ADARB1: variants seen among roughly 807,000 people sequenced by gnomAD.
ADARB1 encodes double-stranded RNA-specific editase 1.
A neutral mutation model predicts 52.4 loss-of-function variants in ADARB1; 10 were observed. The observed-to-expected ratio is 0.19, with a 90% CI of 0.12 to 0.32. ADARB1 has a LOEUF of 0.32. ADARB1 is among the 10% of genes least tolerant of loss of function. The pLI is 1.00. For synonymous variants in ADARB1, 349 were observed against 371.1 expected (o/e 0.94, Z 0.68); for missense variants, 643 against 922.3 (o/e 0.70, Z 3.92).
At chr21:45,106,416 G>A (rs140936474) in intron 1 of ADARB1, among the ~76,000 whole-genome samples, 1 of 152,072 alleles carries the variant, frequency 6.6e-6, no homozygotes, top group Non-Finnish European at 1.5e-5. Flanking sequence ...CTAAATACGT[G>A]ACCTGGAGAG....
intron 1 of ADARB1, chr21:45,118,617 C>T (rs910823510): frequency 5.3e-5 from 8 of 152,196 alleles, no homozygotes; most frequent in African/African-American, 1.9e-4. Flanking sequence ...TGTTCTACTG[C>T]AGGTAAACAT....
chr21:45,137,735 A>G (rs1270581258), intron 2 of ADARB1, among the ~76,000 whole-genome samples: 1 of 151,734 alleles, frequency 6.6e-6, no homozygotes, highest in African/African-American at 2.4e-5. Context: ...TGATGGTGGC[A>G]CTGTGAGGAA....
chr21:45,176,218 C>A lies in ADARB1; in HGVS notation c.517C>A (p.Pro173Thr). Residue 173 changes from proline (P) to threonine (T), a missense_variant, in exon 4 of 11, where the codon CCT becomes ACT. Transcript: ENST00000348831. The surrounding 1 kb of genome is among the most constrained non-coding windows in gnomAD (Gnocchi z 5.8). ...TDFTSDQADF[P>T]DTLFNGFETP... Reference sequence around the variant, plus strand: ...CTTCACATCTGACCAGGCCGACTTCCCTGACACGCTCTTCAATGGTTTTGA... The same window carrying A: ...CTTCACATCTGACCAGGCCGACTTCACTGACACGCTCTTCAATGGTTTTGA... 8 of 1,614,208 alleles carry A rather than the reference C, an allele frequency of 5.0e-6. No individual in the cohort carries two copies. Among genetic ancestry groups the A allele is most frequent in the Non-Finnish European group, 6.8e-6 (8 of 1,180,042 alleles).
chr21:45,160,451 C>T (rs558756421), intron 2 of ADARB1, among the ~76,000 whole-genome samples: 3 of 152,358 alleles, frequency 2.0e-5, no homozygotes, highest in East Asian at 1.9e-4. Flanking sequence ...ACATTTGTAA[C>T]GCTCACCATG....
In ADARB1 at chr21:45,220,857, G is replaced by A; in HGVS notation, c.1769G>A (p.Arg590Gln). 1.2e-6 allele frequency: 2 copies of A among 1,613,256 alleles called. No homozygotes were observed. The highest frequency in any genetic ancestry group is 1.7e-6 in the Non-Finnish European group (2 of 1,179,842). ...TCAGGCATCAGCAATGCAGAAGCAC[G>A]GCAGCCAGGGAAGGCCCCCAACTTC... ...LLSGISNAEA[R>Q]QPGKAPNFSV... The change falls in exon 10 of 11, where the codon CGG (arginine) becomes CAG (glutamine). Residue 590 changes from arginine (R) to glutamine (Q), a missense_variant. Physicochemically the swap from Arg to Gln is conservative, Grantham distance 43 (BLOSUM62 1). Coordinates refer to ENST00000348831, the MANE Select transcript of ADARB1 (RefSeq NM_001112.4). This position sits in a 1 kb window ranked among gnomAD's most constrained non-coding sequence, Gnocchi z 6.3.
intron 5 of ADARB1, among the ~76,000 whole-genome samples, chr21:45,181,222 C>T (rs2091920153): frequency 6.6e-6 from 1 of 152,298 alleles, no homozygotes; most frequent in Admixed American, 6.5e-5. Context: ...AGGAGAAACC[C>T]CCAGTTCTCG....
intron 8 of ADARB1, among the ~76,000 whole-genome samples, chr21:45,190,648 T>C (rs2092255988): frequency 6.6e-6 from 1 of 152,216 alleles, no homozygotes; most frequent in Non-Finnish European, 1.5e-5. Flanking sequence ...GGACCTCTTA[T>C]GCTTTTTCTG....
chr21:45,138,866 G>A (rs1261630550), intron 2 of ADARB1, among the ~76,000 whole-genome samples: 2 of 151,952 alleles, frequency 1.3e-5, no homozygotes, highest in Non-Finnish European at 1.5e-5. Flanking sequence ...GCACTTATCT[G>A]GCCCTCAGCT....
chr21:45,188,231 C>G (rs1298159028), intron 8 of ADARB1, among the ~76,000 whole-genome samples: 1 of 152,026 alleles, frequency 6.6e-6, no homozygotes, highest in East Asian at 1.9e-4. Flanking sequence ...TTCAGCCTCC[C>G]GAGTAGCTGG....
rs748282501 is a variant in ADARB1 at position 45,182,608 on chromosome 21, G to A, written c.1102G>A (p.Val368Met). 1 of 1,598,888 alleles carries A rather than the reference G, an allele frequency of 6.3e-7. No homozygotes were observed. Among genetic ancestry groups the A allele is most frequent in the Non-Finnish European group, 8.5e-7 (1 of 1,175,968 alleles). The change falls in exon 6 of 11, where the codon GTG becomes ATG. Residue 368 changes from valine (V) to methionine (M), a missense_variant. Physicochemically the swap from Val to Met is conservative, Grantham distance 21. This residue lies in a region of ADARB1 where 263 missense variants were observed against 475.8 expected (regional missense o/e 0.55). Coordinates refer to ENST00000348831, the MANE Select transcript of ADARB1 (RefSeq NM_001112.4). Reference protein sequence around the residue: ...TTGTDVKDAKVISVSTGTKCI... With the variant: ...TTGTDVKDAKMISVSTGTKCI... ...AGGCACAGATGTTAAAGATGCCAAG[G>A]TGATAAGTGTTTCTACAGGAACAAA...
At chr21:45,126,347 A>G (rs1025590550) in intron 1 of ADARB1, among the ~76,000 whole-genome samples, 33 of 152,194 alleles carry the variant, frequency 2.2e-4, no homozygotes, top group African/African-American at 8.0e-4. Context: ...TGTGTTGTGC[A>G]GATCTTCCAT....
intron 1 of ADARB1, among the ~76,000 whole-genome samples, chr21:45,105,720 G>C (rs2087220809): frequency 2.6e-5 from 4 of 152,198 alleles, no homozygotes; most frequent in Admixed American, 2.6e-4. Context: ...GTATTTCTCA[G>C]TATGCAGATG....
chr21:45,209,233 C>T (rs185120403), intron 9 of ADARB1, among the ~76,000 whole-genome samples: 5 of 151,966 alleles, frequency 3.3e-5, no homozygotes, highest in African/African-American at 9.6e-5. Context: ...CTCATTTTAT[C>T]GTGCTTTTTT....
intron 7 of ADARB1, among the ~76,000 whole-genome samples, 168 bp from the exon 8 acceptor site, chr21:45,184,755 A>G (rs2092044705): frequency 6.6e-6 from 1 of 152,210 alleles, no homozygotes; most frequent in Admixed American, 6.5e-5. Context: ...CCAGCCTCTC[A>G]GCTTCACATA....
At chr21:45,203,615 A>G (rs974573726) in intron 8 of ADARB1, among the ~76,000 whole-genome samples, 5 of 152,174 alleles carry the variant, frequency 3.3e-5, no homozygotes, top group Non-Finnish European at 5.9e-5. Flanking sequence ...TGGAGCTGAT[A>G]ATGAATACCT....
intron 1 of ADARB1, among the ~76,000 whole-genome samples, chr21:45,111,696 G>A (rs914828066): frequency 2.0e-5 from 3 of 152,208 alleles, no homozygotes; most frequent in Non-Finnish European, 4.4e-5. Flanking sequence ...AGACTTGCCT[G>A]TGTTGTTGCC....
Position 45,182,585 on chromosome 21 carries a change from G to T in ADARB1, c.1079G>T (p.Gly360Val). 3 of 1,578,958 alleles carry T rather than the reference G, an allele frequency of 1.9e-6. No homozygotes were observed. The highest frequency in any genetic ancestry group is 4.0e-5 in the Admixed American group (2 of 49,708). ...TAGTGTCTCTTTTTTTTTTTTTCAG[G>T]CACAGATGTTAAAGATGCCAAGGTG... The part of the protein sequence containing the change: ...KVLAGVVMTT[G>V]TDVKDAKVIS... Residue 360 changes from glycine (G) to valine (V), a missense_variant and splice_region_variant, in exon 6 of 11, where the codon GGC becomes GTC. Coordinates refer to ENST00000348831, the MANE Select transcript of ADARB1 (RefSeq NM_001112.4).
rs775793308 is a variant in ADARB1 at position 45,142,631 on chromosome 21, G to A, written c.-48+14058G>A. Among the ~76,000 whole-genome samples, 9 of 152,306 alleles carry A rather than the reference G, an allele frequency of 5.9e-5. No individual in the cohort carries two copies. Among genetic ancestry groups the A allele is most frequent in the Non-Finnish European group, 7.4e-5 (5 of 68,022 alleles). ...GCACATGGCCACCATGTGACCTTGG[G>A]CAGTGACTCAGCCCAGCTGGCTGCC... is the stretch of plus-strand genomic sequence containing the variant. On this transcript the variant is annotated intron_variant, in intron 2 of 10. Coordinates refer to ENST00000348831, the MANE Select transcript of ADARB1 (RefSeq NM_001112.4). The surrounding 1 kb of genome is among the most constrained non-coding windows in gnomAD (Gnocchi z 4.0).
intron 2 of ADARB1, among the ~76,000 whole-genome samples, chr21:45,167,645 G>A (rs2091306467): frequency 6.6e-6 from 1 of 152,070 alleles, no homozygotes; most frequent in Non-Finnish European, 1.5e-5. Flanking sequence ...CAGCTACTCG[G>A]GAGGCTGAGG....
Sources: gnomAD v4.1 joint callset for allele counts (sites outside exome capture counted in the v4.1 genomes callset) on GRCh38, gnomAD v4.1.1 for gene constraint, gnomAD v4.1.1 regional missense constraint, Gnocchi (gnomAD v3.1) non-coding constraint, MANE v1.5 for transcripts, NCBI Gene and HGNC (gene_info 2026-07-23, HGNC 2026-07-21) for gene names.